ASIC2: variants seen among roughly 807,000 people sequenced by gnomAD.
ASIC2 encodes acid-sensing ion channel 2.
Under a neutral mutation model 57.3 loss-of-function variants are expected in ASIC2, and 25 were observed. That is an observed-to-expected ratio of 0.44 (90% CI 0.32 to 0.61). The LOEUF (loss-of-function observed/expected upper bound fraction) is 0.61, where lower values mean the gene tolerates loss of function less well. Among genes scored for constraint, ASIC2 ranks in the 20% least tolerant of loss-of-function variants. The pLI is 0.06. For missense variants in ASIC2, 641 were observed against 738.1 expected (o/e 0.87, Z 1.52); for synonymous variants, 319 against 307.5 (o/e 1.04, Z -0.39).
intron 1 of ASIC2, among the ~76,000 whole-genome samples, chr17:33,754,647 G>A (rs1597862764): frequency 1.3e-5 from 2 of 152,264 alleles, no homozygotes; most frequent in East Asian, 1.9e-4. Context: ...GATGGGTTTA[G>A]TATATGTGTT....
At chr17:33,923,797 G>T (rs1393459490) in intron 1 of ASIC2, among the ~76,000 whole-genome samples, 1 of 152,156 alleles carries the variant, frequency 6.6e-6, no homozygotes, top group Non-Finnish European at 1.5e-5. Flanking sequence ...AGATAGTAGA[G>T]TATGAGAGGG....
At chr17:33,062,397 T>G (rs1282439980) in intron 3 of ASIC2, among the ~76,000 whole-genome samples, 1 of 152,250 alleles carries the variant, frequency 6.6e-6, no homozygotes, top group Non-Finnish European at 1.5e-5. Context: ...ACATCTTTAT[T>G]TCTGCCTTCA....
At chr17:33,620,634 G>A (rs1905763089) in intron 1 of ASIC2, among the ~76,000 whole-genome samples, 1 of 152,022 alleles carries the variant, frequency 6.6e-6, no homozygotes, top group African/African-American at 2.4e-5. Flanking sequence ...TGATTTTTAT[G>A]TTTCTCAAAA....
At chr17:33,569,565 AATTG>A (rs1916361472) in intron 1 of ASIC2, 1 of 152,186 alleles carries the variant, frequency 6.6e-6, no homozygotes, top group Non-Finnish European at 1.5e-5. Flanking sequence ...TAGAAGACTT[AATTG>A]ACTTCTTCAG....
At chr17:33,303,585 C>T (rs1906048642) in intron 1 of ASIC2, among the ~76,000 whole-genome samples, 1 of 152,276 alleles carries the variant, frequency 6.6e-6, no homozygotes, top group African/African-American at 2.4e-5. Flanking sequence ...CAACCTAGCC[C>T]CCTTTGTCTC....
intron 1 of ASIC2, among the ~76,000 whole-genome samples, chr17:33,616,839 A>G (rs1487305644): frequency 6.6e-6 from 1 of 152,198 alleles, no homozygotes; most frequent in South Asian, 2.1e-4. Context: ...GTGGCCTTCA[A>G]CAGATAGTGG....
At position 33,674,104 on chromosome 17, in the gene ASIC2, A is replaced by G. The variant is rs142145990; in HGVS notation, c.555+481874T>C. Among the ~76,000 whole-genome samples, 843 of 152,266 alleles carry G rather than the reference A, an allele frequency of 5.5e-3. 9 individuals are homozygous for G. Among genetic ancestry groups the G allele is most frequent in the African/African-American group, 0.019 (809 of 41,556 alleles). On this transcript the variant is annotated intron_variant, in intron 1 of 9. Coordinates refer to the ASIC2 transcript ENST00000359872. Reference sequence around the variant, plus strand: ...GAGACGGGGTTTCACCATGTTGGCCAGGCTGGTCTTGATCTCTCGACTTCG... The same window carrying G: ...GAGACGGGGTTTCACCATGTTGGCCGGGCTGGTCTTGATCTCTCGACTTCG...
At chr17:33,698,365 CTGAATTCA>C (rs1653915819) in intron 1 of ASIC2, among the ~76,000 whole-genome samples, 1 of 152,168 alleles carries the variant, frequency 6.6e-6, no homozygotes, top group Admixed American at 6.5e-5. Context: ...TTGTCATGAA[CTGAATTCA>C]TGAATTCATG....
chr17:33,297,561 C>T (rs537536894), upstream of ASIC2, among the ~76,000 whole-genome samples: 10 of 152,190 alleles, frequency 6.6e-5, no homozygotes, highest in East Asian at 3.9e-4. Context: ...CAGTGGCTCA[C>T]GCCTGTAATC....
chr17:33,123,005 G>A (rs1461857515), intron 1 of ASIC2, among the ~76,000 whole-genome samples: 1 of 152,220 alleles, frequency 6.6e-6, no homozygotes, highest in Non-Finnish European at 1.5e-5. Flanking sequence ...TATTGGTGAA[G>A]ACGTAGAGAA....
chr17:33,693,486 G>C (rs1412075969), intron 1 of ASIC2, among the ~76,000 whole-genome samples: 1 of 152,182 alleles, frequency 6.6e-6, no homozygotes, highest in Non-Finnish European at 1.5e-5. Flanking sequence ...CTAAACTAGA[G>C]CTCAGGTGCC....
intron 1 of ASIC2, chr17:33,834,320 G>A (rs547813066): frequency 2.6e-5 from 4 of 152,342 alleles, no homozygotes; most frequent in South Asian, 2.1e-4. Flanking sequence ...CTGTACCCAT[G>A]AGAGCACTGT....
At chr17:33,228,300 C>T (rs1350942517) in intron 1 of ASIC2, among the ~76,000 whole-genome samples, 1 of 152,090 alleles carries the variant, frequency 6.6e-6, no homozygotes, top group Non-Finnish European at 1.5e-5. Context: ...GAATCGAACA[C>T]TTGAAAAACG....
chr17:33,686,342 G>A (rs1231681005), intron 1 of ASIC2, among the ~76,000 whole-genome samples: 1 of 152,168 alleles, frequency 6.6e-6, no homozygotes, highest in Non-Finnish European at 1.5e-5. Flanking sequence ...CCTATGGAGA[G>A]CACCCAGGGT....
intron 1 of ASIC2, among the ~76,000 whole-genome samples, chr17:33,698,455 T>C (rs1029561648): frequency 2.0e-5 from 3 of 152,226 alleles, no homozygotes; most frequent in African/African-American, 7.2e-5. Flanking sequence ...GTCATTTTTT[T>C]TGTTGTTGAC....
chr17:33,340,935 C>G lies in ASIC2; in HGVS notation c.556-228868G>C, dbSNP rs554093166. ...GCATGAGCCCAAGAGTTATTGCCTC[C>G]TGGAATGTAGTATCTTTCACACCTC... On this transcript the variant is annotated intron_variant, in intron 1 of 9. Coordinates refer to the ASIC2 transcript ENST00000359872. Among the ~76,000 whole-genome samples, 19 of 152,262 alleles carry G rather than the reference C, an allele frequency of 1.2e-4. No individual in the cohort carries two copies. The South Asian group carries it at 3.9e-3, about 32-fold the overall frequency.
At chr17:33,136,391 T>C (rs1574389) in intron 1 of ASIC2, among the ~76,000 whole-genome samples, 31,942 of 152,142 alleles carry the variant, frequency 0.21, 3,462 homozygotes, top group Middle Eastern at 0.32. Context: ...GTATAGAATG[T>C]TATATGAACA....
At chr17:33,419,360 C>T (rs1466262482) in intron 1 of ASIC2, among the ~76,000 whole-genome samples, 8 of 152,186 alleles carry the variant, frequency 5.3e-5, no homozygotes, top group African/African-American at 1.7e-4. Flanking sequence ...CATTGAGGCT[C>T]ATTTGAGGGA....
At chr17:33,746,550 C>A (rs1910275924) in intron 1 of ASIC2, among the ~76,000 whole-genome samples, 1 of 150,974 alleles carries the variant, frequency 6.6e-6, no homozygotes, top group Non-Finnish European at 1.5e-5. Flanking sequence ...TACTCATATA[C>A]CTAATGACAG....
Sources: gnomAD v4.1 joint callset for allele counts (sites outside exome capture counted in the v4.1 genomes callset) on GRCh38, gnomAD v4.1.1 for gene constraint, MANE v1.5 for transcripts, NCBI Gene and HGNC (gene_info 2026-07-23, HGNC 2026-07-21) for gene names.